SMPD3: variants seen among roughly 807,000 people sequenced by gnomAD.
SMPD3 encodes the protein sphingomyelin phosphodiesterase 3, also known as nSMase-2.
Under a neutral mutation model 55.7 loss-of-function variants are expected in SMPD3, and 21 were observed. The observed-to-expected ratio is 0.38, with a 90% CI of 0.27 to 0.54. The LOEUF is 0.54. SMPD3 is among the 20% of genes least tolerant of loss of function. The pLI, the probability that SMPD3 is intolerant of heterozygous loss-of-function variation, is 0.80. For missense variants in SMPD3, 842 were observed against 899.6 expected, an observed-to-expected ratio of 0.94 and a Z score of 0.82; for synonymous variants, 457 against 404.3, an observed-to-expected ratio of 1.13 and a Z score of -1.56.
Position 68,361,633 on chromosome 16 carries a change from T to A in SMPD3, c.1836A>T (p.Ala612=), listed in dbSNP as rs2089273792. Residue 612 remains alanine, a synonymous_variant, in exon 8 of 9, where the codon GCA becomes GCT. Transcript: ENST00000219334. ...TCCAGTCTGGGCACAGCCCCTCCTC[T>A]GCATGCAGCATGTAGTCGATGCGCC... ...NGRRIDYMLH[A]EEGLCPDWKA... is the part of the protein sequence containing the mutation. 2.5e-6 allele frequency: 4 copies of A among 1,610,726 alleles called. No individual in the cohort carries two copies. In the East Asian group the frequency reaches 8.9e-5, roughly 36 times the overall value.
Position 68,363,795 on chromosome 16 carries a change from C to T in SMPD3, c.1627G>A (p.Glu543Lys). 6.4e-7 allele frequency: 1 copy of T among 1,568,372 alleles called. No homozygotes were observed. Among genetic ancestry groups the T allele is most frequent in the Non-Finnish European group, 8.6e-7 (1 of 1,156,444 alleles). The change falls in exon 6 of 9, where the codon GAG (glutamate) becomes AAG (lysine). Residue 543 changes from glutamate (E) to lysine (K), a missense_variant. Glu to Lys is a moderately conservative substitution (Grantham distance 56, BLOSUM62 1). Coordinates refer to ENST00000219334, the MANE Select transcript of SMPD3 (RefSeq NM_018667.4). ...RDPCRLGPGE[E>K]KPWAIGTLLD... is the part of the protein sequence containing the mutation. ...AGCTCACCGATGGCCCACGGCTTCT[C>T]CTCACCAGGCCCCAGGCGGCAGGGG...
At chr16:68,365,687 C>G (rs3785127) in intron 3 of SMPD3, among the ~76,000 whole-genome samples, 20,388 of 152,146 alleles carry the variant, frequency 0.13, 1,455 homozygotes, top group South Asian at 0.17. Flanking sequence ...GCTCCCTGAC[C>G]TGTGTCCTAG....
At chr16:68,414,029 G>A (rs1046065314) in intron 1 of SMPD3, among the ~76,000 whole-genome samples, 7 of 152,158 alleles carry the variant, frequency 4.6e-5, no homozygotes, top group African/African-American at 7.2e-5. Flanking sequence ...TGAGGATGGC[G>A]CTGCCAGACT....
At chr16:68,437,912 G>A (rs1294170249) in intron 1 of SMPD3, among the ~76,000 whole-genome samples, 1 of 152,182 alleles carries the variant, frequency 6.6e-6, no homozygotes, top group South Asian at 2.1e-4. Flanking sequence ...AGAGAAATAA[G>A]CAGAATGAAT....
At chr16:68,380,878 T>A (rs1348306194) in intron 2 of SMPD3, among the ~76,000 whole-genome samples, 4 of 152,236 alleles carry the variant, frequency 2.6e-5, no homozygotes, top group Admixed American at 2.6e-4. Context: ...CATTTCCTTC[T>A]GGAACGGATT....
chr16:68,367,812 G>A (rs1259648769), intron 3 of SMPD3: 1 of 152,256 alleles, frequency 6.6e-6, no homozygotes, highest in Non-Finnish European at 1.5e-5. Context: ...GCAATCACAC[G>A]AAAGGCTGTG....
At chr16:68,405,411 G>A (rs1365766216) in intron 1 of SMPD3, among the ~76,000 whole-genome samples, 2 of 151,814 alleles carry the variant, frequency 1.3e-5, no homozygotes, top group East Asian at 1.9e-4. Context: ...ATTAGCCCAC[G>A]TGGTGGCACA....
intron 2 of SMPD3, among the ~76,000 whole-genome samples, chr16:68,375,618 G>C (rs577457953): frequency 6.6e-6 from 1 of 150,470 alleles, no homozygotes; most frequent in East Asian, 1.9e-4. Context: ...GGAGGGTGTA[G>C]AGGAGAGAGA....
intron 1 of SMPD3, among the ~76,000 whole-genome samples, chr16:68,412,307 C>A (rs147937461): frequency 0.017 from 2,529 of 152,308 alleles, 26 homozygotes; most frequent in Non-Finnish European, 0.024. Context: ...CCAGATACAA[C>A]CCTTGGGAGT....
intron 1 of SMPD3, among the ~76,000 whole-genome samples, chr16:68,423,009 CA>C (rs1167651998): frequency 2.0e-5 from 3 of 152,188 alleles, no homozygotes; most frequent in Non-Finnish European, 4.4e-5. Context: ...GGGGGCTTCA[CA>C]GTCATTTTCA....
intron 1 of SMPD3, among the ~76,000 whole-genome samples, chr16:68,428,825 T>C (rs142093234): frequency 1.3e-3 from 203 of 152,244 alleles, no homozygotes; most frequent in Non-Finnish European, 8.1e-4. Flanking sequence ...TGGACACAGA[T>C]GGTCATGCAC....
chr16:68,362,936 T>A (rs189383190), intron 7 of SMPD3, among the ~76,000 whole-genome samples: 1 of 152,356 alleles, frequency 6.6e-6, no homozygotes, highest in East Asian at 1.9e-4. Flanking sequence ...GTGACTGCAG[T>A]CTCGGGCTGT....
rs566650592 is a variant in SMPD3, at chr16:68,360,562, T to A, written c.*644A>T. 47 of 153,050 alleles carry A rather than the reference T, an allele frequency of 3.1e-4. No homozygotes were observed. Among genetic ancestry groups the A allele is most frequent in the Non-Finnish European group, 5.7e-4 (39 of 68,292 alleles). The allele number at this position is 153,050 out of a possible 1,614,324, so 9.5% of individuals were successfully genotyped here. A position where few individuals can be genotyped will look rare whatever the true frequency, so the allele number is the denominator to read the frequency against. ...TGGTTTTGTGATTAACCTTTTTCTG[T>A]TTTTCTTTTTAAAATGTAATTGCCC... On this transcript the variant is annotated 3_prime_UTR_variant, in exon 9 of 9. Coordinates refer to ENST00000219334, the MANE Select transcript of SMPD3 (RefSeq NM_018667.4).
At chr16:68,365,166 C>T in intron 3 of SMPD3, 74 bp from the exon 4 acceptor site, 1 of 1,484,924 alleles carries the variant, frequency 6.7e-7, no homozygotes, top group Non-Finnish European at 9.3e-7. Context: ...CTGGCAGTGC[C>T]CACCCACCCA....
At position 68,361,143 on chromosome 16, in the gene SMPD3, G is replaced by T. The variant is rs1173968841; in HGVS notation, c.*63C>A. The T allele has an allele frequency of 5.4e-6, 8 of 1,478,704 alleles. No individual in the cohort carries two copies. The highest frequency in any genetic ancestry group is 2.4e-5 in the East Asian group (1 of 42,282). The allele number at this position is 1,478,704 out of a possible 1,614,324, so 91.6% of individuals were successfully genotyped here. Reference sequence around the variant, plus strand: ...CAAGCACCGGGCACTCGATGGAGGGGACATGGCCCAGGGATGGGCTGCAGC... The same window carrying T: ...CAAGCACCGGGCACTCGATGGAGGGTACATGGCCCAGGGATGGGCTGCAGC... On this transcript the variant is annotated 3_prime_UTR_variant, in exon 9 of 9. Coordinates refer to ENST00000219334, the MANE Select transcript of SMPD3 (RefSeq NM_018667.4).
chr16:68,369,766 G>A (rs1395297884), intron 3 of SMPD3: 2 of 152,276 alleles, frequency 1.3e-5, no homozygotes, highest in African/African-American at 4.8e-5. Context: ...AACCAGAAGT[G>A]GGGGCCAGGG....
intron 1 of SMPD3, among the ~76,000 whole-genome samples, chr16:68,435,634 A>C (rs911468703): frequency 3.9e-5 from 6 of 152,202 alleles, no homozygotes; most frequent in Non-Finnish European, 5.9e-5. Flanking sequence ...GCCAGGGCCC[A>C]AGTTCTCCAG....
In SMPD3 at chr16:68,371,156, G is replaced by T. The variant is rs774506167; in HGVS notation, c.1026C>A (p.Asp342Glu). ...CGGAGACCTCATGGTCGAAGGCCTC[G>T]TCGGGGTGCCGCCTCCTGCGTGCAG... Reference protein sequence around the residue: ...KAAARRRRHPDEAFDHEVSAF... With the variant: ...KAAARRRRHPEEAFDHEVSAF... Residue 342 changes from aspartate to glutamate, a missense_variant, in exon 3 of 9, where the codon GAC becomes GAA. Asp to Glu is a conservative substitution (Grantham distance 45). This residue lies in a region of SMPD3 where 649 missense variants were observed against 643.6 expected (regional missense o/e 1.01). Coordinates refer to ENST00000219334, the MANE Select transcript of SMPD3 (RefSeq NM_018667.4). 3.1e-6 allele frequency: 5 copies of T among 1,613,450 alleles called. No homozygotes were observed. The African/African-American group carries it at 5.3e-5, about 17-fold the overall frequency.
At chr16:68,438,550 T>C (rs907471676) in intron 1 of SMPD3, among the ~76,000 whole-genome samples, 1 of 152,198 alleles carries the variant, frequency 6.6e-6, no homozygotes, top group African/African-American at 2.4e-5. Context: ...TCTCTAACAC[T>C]TGTTAGTCTG....
Sources: gnomAD v4.1 joint callset for allele counts (sites outside exome capture counted in the v4.1 genomes callset) on GRCh38, gnomAD v4.1.1 for gene constraint, gnomAD v4.1.1 regional missense constraint, MANE v1.5 for transcripts, NCBI Gene and HGNC (gene_info 2026-07-23, HGNC 2026-07-21) for gene names.